Variants in SEPTIN9 observed in about 807,000 individuals in gnomAD.
SEPTIN9 encodes septin-9.
SEPTIN9 carries 13 observed loss-of-function variants against 56.6 expected under a neutral mutation model. The observed-to-expected ratio is 0.23, with a 90% confidence interval of 0.15 to 0.37. The LOEUF is 0.37. Ranked by LOEUF, SEPTIN9 falls within the 10% of genes least tolerant of loss-of-function variation. The pLI is 1.00. For synonymous variants in SEPTIN9, 332 were observed against 334.1 expected, an observed-to-expected ratio of 0.99 and a Z score of 0.07; for missense variants, 650 against 823.1, an observed-to-expected ratio of 0.79 and a Z score of 2.57.
Position 77,487,919 on chromosome 17 carries a change from G to C in SEPTIN9, c.1043-321G>C, listed in dbSNP as rs414893. Among the ~76,000 whole-genome samples the C allele has an allele frequency of 6.6e-6, 1 of 151,880 alleles. No individual in the cohort carries two copies. Among genetic ancestry groups the C allele is most frequent in the Non-Finnish European group, 1.5e-5 (1 of 67,960 alleles). ...TCCCAGGTCCCCAAGACGGGGACTC[G>C]CTGTGCCCACCATCCCCAGCATGTT... On this transcript the variant is annotated intron_variant, in intron 5 of 11. Coordinates refer to ENST00000427177, the MANE Select transcript of SEPTIN9 (RefSeq NM_001113491.2). The surrounding 1 kb of genome is among the most constrained non-coding windows in gnomAD (Gnocchi z 4.3).
chr17:77,391,573 C>G (rs1047734267), intron 2 of SEPTIN9, among the ~76,000 whole-genome samples: 12 of 152,212 alleles, frequency 7.9e-5, no homozygotes, highest in Non-Finnish European at 1.6e-4. Context: ...CTGCAAAGAT[C>G]CGTTTTCCAA....
intron 2 of SEPTIN9, among the ~76,000 whole-genome samples, chr17:77,358,816 G>C (rs1327949460): frequency 6.6e-6 from 1 of 152,170 alleles, no homozygotes; most frequent in Non-Finnish European, 1.5e-5. Flanking sequence ...AGACAGGTGG[G>C]ATGATGGCCA....
chr17:77,452,498 G>A (rs578044367), intron 3 of SEPTIN9, among the ~76,000 whole-genome samples: 1 of 152,308 alleles, frequency 6.6e-6, no homozygotes, highest in African/African-American at 2.4e-5. Context: ...GAGGTTTGGG[G>A]AACAGCTCTC....
chr17:77,499,252 C>T lies in SEPTIN9; in HGVS notation c.*594C>T, dbSNP rs781522351. The T allele has an allele frequency of 8.4e-6, 5 of 596,060 alleles. 1 individual carries two copies. Among genetic ancestry groups the T allele is most frequent in the South Asian group, 5.6e-5 (4 of 71,486 alleles). The allele number at this position is 596,060 out of a possible 1,614,324, so 36.9% of individuals were successfully genotyped here. ...CCACCGACTGCCCAGCCACTCCAAG[C>T]CCCCTGGCAGCTGCCCCTCCTGGAG... On this transcript the variant is annotated 3_prime_UTR_variant, in exon 12 of 12. Coordinates refer to ENST00000427177, the MANE Select transcript of SEPTIN9 (RefSeq NM_001113491.2).
At chr17:77,314,765 C>T (rs1241938581) in intron 2 of SEPTIN9, among the ~76,000 whole-genome samples, 2 of 152,252 alleles carry the variant, frequency 1.3e-5, no homozygotes, top group Admixed American at 1.3e-4. Flanking sequence ...ACCTGGACCG[C>T]CTGCTCCCTT....
At position 77,372,821 on chromosome 17, in the gene SEPTIN9, G is replaced by A. The variant is rs372147860; in HGVS notation, c.77-29238G>A. On this transcript the variant is annotated intron_variant, in intron 2 of 11. Transcript: ENST00000427177. ...CATGGGACTCGCATGTTCGCCCTGC[G>A]CCCCTCGGCTCTTGAGCCCACAGGC... Among the ~76,000 whole-genome samples the A allele has an allele frequency of 1.1e-4, 16 of 152,334 alleles. No homozygotes were observed. The South Asian group carries it at 1.7e-3, about 16-fold the overall frequency.
intron 2 of SEPTIN9, among the ~76,000 whole-genome samples, chr17:77,397,298 GTC>G (rs1227195386): frequency 1.3e-5 from 2 of 152,144 alleles, no homozygotes; most frequent in African/African-American, 4.8e-5. Flanking sequence ...AGCATCTGCA[GTC>G]TCTGCTCTCA....
chr17:77,467,819 G>C (rs2038815397), intron 3 of SEPTIN9, among the ~76,000 whole-genome samples: 1 of 152,248 alleles, frequency 6.6e-6, no homozygotes, highest in African/African-American at 2.4e-5. Context: ...GGAGAGACGA[G>C]GGGCCGGACG....
rs548898625 is a variant in SEPTIN9, at chr17:77,492,868, G to A, written c.1477-112G>A. The stretch of plus-strand genomic sequence containing the variant: ...TGTCTGTACCCAGTGCTGTCAGGCT[G>A]AGGCTCTCGTTTTTGGGGGACCCCA... On this transcript the variant is annotated intron_variant, in intron 9 of 11. Transcript: ENST00000427177. The surrounding 1 kb of genome is among the most constrained non-coding windows in gnomAD (Gnocchi z 5.4). 2 of 1,225,850 alleles carry A rather than the reference G, an allele frequency of 1.6e-6. No homozygotes were observed. Among genetic ancestry groups the A allele is most frequent in the African/African-American group, 3.0e-5 (2 of 67,220 alleles). The allele number at this position is 1,225,850 out of a possible 1,614,324, so 75.9% of individuals were successfully genotyped here.
intron 3 of SEPTIN9, among the ~76,000 whole-genome samples, chr17:77,410,629 G>A (rs2036262322): frequency 6.6e-6 from 1 of 152,236 alleles, no homozygotes; most frequent in Non-Finnish European, 1.5e-5. Context: ...CATTGTGGAA[G>A]TGGGCACAAT....
intron 2 of SEPTIN9, among the ~76,000 whole-genome samples, chr17:77,325,136 A>T (rs567735244): frequency 1.3e-4 from 20 of 152,268 alleles, no homozygotes; most frequent in African/African-American, 4.8e-4. Flanking sequence ...CAAATATTTT[A>T]AACTTCTATG....
chr17:77,402,262 G>A lies in SEPTIN9; in HGVS notation c.280G>A (p.Glu94Lys). The A allele has an allele frequency of 1.2e-6, 2 of 1,612,550 alleles. No individual in the cohort carries two copies. Among genetic ancestry groups the A allele is most frequent in the Non-Finnish European group, 1.7e-6 (2 of 1,179,750 alleles). ...CCCCAAGGCGTCCCTGCGGAGGGTG[G>A]AGCTCTCGGGCCCCAAGGCGGCCGA... is the stretch of plus-strand genomic sequence containing the variant. ...RSPKASLRRV[E>K]LSGPKAAEPV... The change falls in exon 3 of 12, where the codon GAG (glutamate) becomes AAG (lysine). Residue 94 changes from glutamate to lysine, a missense_variant. Glu to Lys is a moderately conservative substitution (Grantham distance 56). This residue lies in a region of SEPTIN9 where 317 missense variants were observed against 329.1 expected (regional missense o/e 0.96). Transcript: ENST00000427177. This position sits in a 1 kb window ranked among gnomAD's most constrained non-coding sequence, Gnocchi z 6.6.
intron 2 of SEPTIN9, among the ~76,000 whole-genome samples, chr17:77,350,699 G>A (rs975704255): frequency 7.0e-6 from 1 of 143,790 alleles, no homozygotes; most frequent in African/African-American, 2.5e-5. Flanking sequence ...CAAAGGTTGG[G>A]ATTGGAGCAG....
rs975895295 is a variant in SEPTIN9, at chr17:77,400,375, C to G, written c.77-1684C>G. Among the ~76,000 whole-genome samples the G allele has an allele frequency of 6.6e-6, 1 of 152,076 alleles. No individual in the cohort carries two copies. ...GTGACAACTGAGAGTTCTCTGGAGTCCACACGGCTCCTTGCCCAGCTTCTG... is the reference window on the plus strand; with the variant it reads ...GTGACAACTGAGAGTTCTCTGGAGTGCACACGGCTCCTTGCCCAGCTTCTG... On this transcript the variant is annotated intron_variant, in intron 2 of 11. Coordinates refer to ENST00000427177, the MANE Select transcript of SEPTIN9 (RefSeq NM_001113491.2). This position sits in a 1 kb window ranked among gnomAD's most constrained non-coding sequence, Gnocchi z 4.1.
At chr17:77,471,495 G>A (rs1366394863) in intron 3 of SEPTIN9, among the ~76,000 whole-genome samples, 1 of 152,258 alleles carries the variant, frequency 6.6e-6, no homozygotes, top group African/African-American at 2.4e-5. Flanking sequence ...TCATAAGTTG[G>A]GGGAGGCGGA....
At chr17:77,397,643 G>A (rs753457049) in intron 2 of SEPTIN9, among the ~76,000 whole-genome samples, 2 of 152,098 alleles carry the variant, frequency 1.3e-5, no homozygotes, top group Non-Finnish European at 2.9e-5. Context: ...CCTATCCTGT[G>A]ATCCTGTGAT....
Position 77,426,487 on chromosome 17 carries a change from C to T in SEPTIN9, c.721+23784C>T, listed in dbSNP as rs376952654. On this transcript the variant is annotated intron_variant, in intron 3 of 11. Coordinates refer to ENST00000427177, the MANE Select transcript of SEPTIN9 (RefSeq NM_001113491.2). ...CTTGGGGCGCTGACTCATCGTGGGG[C>T]GGCCTGTGAGACCCTACGTCACCTG... Among the ~76,000 whole-genome samples, 19 of 152,206 alleles carry T rather than the reference C, an allele frequency of 1.2e-4. No individual in the cohort carries two copies. In the South Asian group the frequency reaches 2.7e-3, roughly 22 times the overall value.
chr17:77,285,517 C>G (rs1429757512), intron 1 of SEPTIN9, among the ~76,000 whole-genome samples: 1 of 152,190 alleles, frequency 6.6e-6, no homozygotes, highest in Non-Finnish European at 1.5e-5. Context: ...CATGCCTCAG[C>G]CTCCTGAGTA....
intron 2 of SEPTIN9, among the ~76,000 whole-genome samples, chr17:77,385,438 C>G (rs1363273562): frequency 1.3e-5 from 2 of 152,050 alleles, no homozygotes; most frequent in Non-Finnish European, 2.9e-5. Flanking sequence ...AGGCTGGTCT[C>G]AAACTCCTGT....
Sources: gnomAD v4.1 joint callset for allele counts (sites outside exome capture counted in the v4.1 genomes callset) on GRCh38, gnomAD v4.1.1 for gene constraint, gnomAD v4.1.1 regional missense constraint, Gnocchi (gnomAD v3.1) non-coding constraint, MANE v1.5 for transcripts, NCBI Gene and HGNC (gene_info 2026-07-23, HGNC 2026-07-21) for gene names.